FRMD3: variants seen among roughly 807,000 people sequenced by gnomAD.
FRMD3 encodes FERM domain-containing protein 3.
In FRMD3, 33 loss-of-function variants were observed where a neutral mutation model predicts 70.2. The observed-to-expected ratio is 0.47, with a 90% CI of 0.36 to 0.63. The LOEUF is 0.63. Among genes scored for constraint, FRMD3 ranks in the 20% least tolerant of loss-of-function variants. FRMD3 has a pLI of 0.00. For missense variants in FRMD3, 632 were observed against 711.4 expected (o/e 0.89, Z 1.27); for synonymous variants, 279 against 255.9 (o/e 1.09, Z -0.86).
chr9:83,560,351 T>G, the FRMD3 span, among the ~76,000 whole-genome samples: 1 of 152,196 alleles, frequency 6.6e-6, no homozygotes, highest in African/African-American at 2.4e-5. Context: ...CTCATTCTCG[T>G]GCACTTCTAT....
chr9:83,244,780 T>C lies in FRMD3; in HGVS notation c.*3138A>G. On this transcript the variant is annotated 3_prime_UTR_variant, in exon 14 of 14. Coordinates refer to ENST00000304195, the MANE Select transcript of FRMD3 (RefSeq NM_174938.6). ...TCTCTAGTATTTCAATGAAATAAAC[T>C]CATTGTGAATTCACCCCGAGTTGTG... 1.0e-6 allele frequency: 1 copy of C among 985,322 alleles called. No homozygotes were observed. Among genetic ancestry groups the C allele is most frequent in the Non-Finnish European group, 1.2e-6 (1 of 829,834 alleles). 61.0% of individuals were successfully genotyped at this position (985,322 alleles called of 1,614,324 possible).
downstream of FRMD3, chr9:83,243,178 ACGGGC>A: frequency 6.5e-7 from 1 of 1,549,934 alleles, no homozygotes; most frequent in Non-Finnish European, 8.7e-7. Context: ...TGAGCTCACC[ACGGGC>A]AGGTTCTGCT....
chr9:83,270,842 C>CTT (rs1833520141), intron 13 of FRMD3, among the ~76,000 whole-genome samples: 2 of 135,706 alleles, frequency 1.5e-5, no homozygotes, highest in African/African-American at 6.0e-5. Context: ...AATACATGGT[C>CTT]ATTTTTTTTT....
chr9:83,298,684 T>C (rs1159443904), intron 12 of FRMD3, 64 bp downstream of exon 12: 8 of 1,216,104 alleles, frequency 6.6e-6, no homozygotes, highest in Non-Finnish European at 9.8e-6. Context: ...AAAGGGATGT[T>C]ATAGGGGATT....
intron 6 of FRMD3, among the ~76,000 whole-genome samples, chr9:83,327,456 T>C (rs1836065019): frequency 2.6e-5 from 4 of 152,156 alleles, no homozygotes; most frequent in African/African-American, 9.6e-5. Context: ...AGAGATTCCT[T>C]TGCTCTTCAG....
At chr9:83,399,534 C>CT (rs1326249821) in intron 1 of FRMD3, among the ~76,000 whole-genome samples, 1 of 152,152 alleles carries the variant, frequency 6.6e-6, no homozygotes, top group Non-Finnish European at 1.5e-5. Context: ...AGGTCCAGCT[C>CT]TTCAAAGCAC....
At chr9:83,326,523 A>G (rs1044677509) in intron 6 of FRMD3, among the ~76,000 whole-genome samples, 4 of 152,216 alleles carry the variant, frequency 2.6e-5, no homozygotes, top group Non-Finnish European at 5.9e-5. Context: ...TCAAAACCAA[A>G]GGAGAAAAGG....
downstream of FRMD3, among the ~76,000 whole-genome samples, chr9:83,244,191 G>A (rs1831975754): frequency 6.6e-6 from 1 of 152,070 alleles, no homozygotes; most frequent in Non-Finnish European, 1.5e-5. Context: ...AGATAGAGAA[G>A]TTTAATGGCA....
intron 2 of FRMD3, among the ~76,000 whole-genome samples, chr9:83,374,322 G>A (rs143386687): frequency 2.6e-5 from 4 of 152,122 alleles, no homozygotes; most frequent in South Asian, 2.1e-4. Flanking sequence ...TCAAATCTCT[G>A]CAGTCTTCAA....
chr9:83,345,823 C>T (rs1303560908), intron 4 of FRMD3, among the ~76,000 whole-genome samples: 1 of 152,046 alleles, frequency 6.6e-6, no homozygotes, highest in African/African-American at 2.4e-5. Context: ...TGGTGCAGCT[C>T]CATCAGCCAC....
Position 83,309,580 on chromosome 9 carries a change from G to C in FRMD3, c.882C>G (p.Cys294Trp). 2 of 1,599,212 alleles carry C rather than the reference G, an allele frequency of 1.3e-6. No homozygotes were observed. The highest frequency in any genetic ancestry group is 1.7e-6 in the Non-Finnish European group (2 of 1,172,982). ...LAFHTSTPAA[C>W]KHLWKCGVEN... ...CCACTCCACACTTCCAAAGATGTTT[G>C]CAGGCAGCTGGTGTTGAAGTATGGA... The change falls in exon 10 of 14, where the codon TGC (cysteine) becomes TGG (tryptophan). Residue 294 changes from cysteine to tryptophan, a missense_variant. Coordinates refer to ENST00000304195, the MANE Select transcript of FRMD3 (RefSeq NM_174938.6).
intron 1 of FRMD3, among the ~76,000 whole-genome samples, chr9:83,494,668 C>T (rs1828899124): frequency 6.6e-6 from 1 of 152,118 alleles, no homozygotes; most frequent in Non-Finnish European, 1.5e-5. Flanking sequence ...TTTGGGAACC[C>T]AAGGTGGGGA....
chr9:83,414,600 A>G (rs1826377215), intron 1 of FRMD3, among the ~76,000 whole-genome samples: 1 of 152,250 alleles, frequency 6.6e-6, no homozygotes, highest in South Asian at 2.1e-4. Flanking sequence ...CAAAAGACTC[A>G]TGTCCAGGAT....
chr9:83,479,793 A>AG (rs1564097253), intron 1 of FRMD3, among the ~76,000 whole-genome samples: 3 of 58,440 alleles, frequency 5.1e-5, no homozygotes, highest in Non-Finnish European at 1.1e-4. Context: ...GAGGGAAGGA[A>AG]GGAAGGAAGG....
the FRMD3 span, among the ~76,000 whole-genome samples, chr9:83,578,470 T>C: frequency 6.6e-6 from 1 of 151,952 alleles, no homozygotes; most frequent in Non-Finnish European, 1.5e-5. Context: ...AAAACAATCA[T>C]TCACCATGAC....
chr9:83,498,782 A>G (rs951087163), intron 1 of FRMD3, among the ~76,000 whole-genome samples: 1 of 152,108 alleles, frequency 6.6e-6, no homozygotes. Context: ...AAAACAGTGT[A>G]TTTTCCACTC....
At chr9:83,514,155 A>G (rs1214818327) in intron 1 of FRMD3, among the ~76,000 whole-genome samples, 1 of 152,184 alleles carries the variant, frequency 6.6e-6, no homozygotes. Context: ...CAGGGAGCCA[A>G]TAGGTCTTGC....
intron 1 of FRMD3, among the ~76,000 whole-genome samples, chr9:83,487,835 C>T (rs1390726400): frequency 6.6e-6 from 1 of 152,050 alleles, no homozygotes; most frequent in Non-Finnish European, 1.5e-5. Context: ...GATTTTGGTA[C>T]GAGGGGTAGA....
intron 1 of FRMD3, among the ~76,000 whole-genome samples, chr9:83,463,262 T>C (rs1203460260): frequency 6.6e-6 from 1 of 152,158 alleles, no homozygotes; most frequent in African/African-American, 2.4e-5. Context: ...TCTCTCAAAA[T>C]AATAATGATA....
Sources: gnomAD v4.1 joint callset for allele counts (sites outside exome capture counted in the v4.1 genomes callset) on GRCh38, gnomAD v4.1.1 for gene constraint, MANE v1.5 for transcripts, NCBI Gene and HGNC (gene_info 2026-07-23, HGNC 2026-07-21) for gene names.